GXYLT2: variants seen among roughly 807,000 people sequenced by gnomAD.
The protein encoded by GXYLT2 is glucoside xylosyltransferase 2.
Under a neutral mutation model 45.8 loss-of-function variants are expected in GXYLT2, and 53 were observed. That is an observed-to-expected ratio of 1.16 (90% CI 0.93 to 1.46). The LOEUF (loss-of-function observed/expected upper bound fraction) is 1.46, where lower values mean the gene tolerates loss of function less well. GXYLT2 is among the 40% of genes most tolerant of loss of function. The probability of loss-of-function intolerance (pLI) is 0.00; values close to 1 mark genes in which losing one functional copy is unlikely to be tolerated. For missense variants in GXYLT2, 551 were observed against 544.4 expected, an observed-to-expected ratio of 1.01 and a Z score of -0.12; for synonymous variants, 219 against 214.2, an observed-to-expected ratio of 1.02 and a Z score of -0.19.
At chr3:72,929,010 G>T in intron 3 of GXYLT2, 2 of 1,305,618 alleles carry the variant, frequency 1.5e-6, no homozygotes, top group Non-Finnish European at 2.2e-6. Flanking sequence ...CCAGCGCCGC[G>T]CAGCCACCGC....
At position 72,946,276 on chromosome 3, in the gene GXYLT2, G is replaced by GA. The variant is rs57450041; in HGVS notation, c.601-8794dup. Among the ~76,000 whole-genome samples the GA allele has an allele frequency of 6.3e-3, 375 of 59,464 alleles. 17 individuals are homozygous for GA. Among genetic ancestry groups the GA allele is most frequent in the African/African-American group, 0.015 (289 of 19,832 alleles). The allele number at this position is 59,464 out of a possible 152,430, so 39.0% of individuals were successfully genotyped here. A position where few individuals can be genotyped will look rare whatever the true frequency, so the allele number is the denominator to read the frequency against. On this transcript the variant is annotated intron_variant, in intron 3 of 6. Coordinates refer to ENST00000389617, the MANE Select transcript of GXYLT2 (RefSeq NM_001080393.2). ...TGGGTGACAGAGCAAGACCCTGTCTGAAAAAAAAAAAAAAAAAAAAAAAAA... is the reference window on the plus strand; with the variant it reads ...TGGGTGACAGAGCAAGACCCTGTCTGAAAAAAAAAAAAAAAAAAAAAAAAAA...
In GXYLT2 at chr3:72,908,409, C is replaced by T. The variant is rs547210371; in HGVS notation, c.318C>T (p.Pro106=). The T allele has an allele frequency of 6.4e-5, 103 of 1,613,702 alleles. No individual in the cohort carries two copies. Among genetic ancestry groups the T allele is most frequent in the Non-Finnish European group, 7.9e-5 (93 of 1,179,798 alleles). The change falls in exon 2 of 7, where the codon CCC becomes CCT. Residue 106 remains proline (P), a synonymous_variant. Transcript: ENST00000389617. Reference sequence around the variant, plus strand: ...GGAGTTTCCAAGCTGTGCTGCCACCCGAGCTCTGGATCCACCTGGCTGTGG... The same window carrying T: ...GGAGTTTCCAAGCTGTGCTGCCACCTGAGCTCTGGATCCACCTGGCTGTGG... ...EPRSFQAVLP[P]ELWIHLAVVA...
chr3:72,919,483 G>A (rs777645702), intron 2 of GXYLT2, among the ~76,000 whole-genome samples: 10 of 152,202 alleles, frequency 6.6e-5, no homozygotes, highest in African/African-American at 9.7e-5. Flanking sequence ...GGCTGGGCAC[G>A]GTGGCTCACG....
At chr3:72,908,822 C>G (rs984564355) in intron 2 of GXYLT2, among the ~76,000 whole-genome samples, 1 of 152,144 alleles carries the variant, frequency 6.6e-6, no homozygotes, top group Non-Finnish European at 1.5e-5. Flanking sequence ...ACTGCAGCCT[C>G]AACCTTCCAG....
intron 1 of GXYLT2, among the ~76,000 whole-genome samples, chr3:72,897,850 T>C (rs1709322128): frequency 1.3e-5 from 2 of 152,228 alleles, no homozygotes; most frequent in Admixed American, 1.3e-4. Flanking sequence ...TCTCACAATT[T>C]GAACCATTTG....
At chr3:72,955,390 GT>G (rs756964769) in intron 4 of GXYLT2, 41 bp downstream of exon 4, 3 of 1,600,270 alleles carry the variant, frequency 1.9e-6, no homozygotes, top group Non-Finnish European at 2.6e-6. Context: ...AAGACTGGGA[GT>G]TGGTCTTGTC....
intron 1 of GXYLT2, among the ~76,000 whole-genome samples, chr3:72,890,597 C>T (rs950769336): frequency 2.6e-5 from 4 of 152,154 alleles, no homozygotes; most frequent in Non-Finnish European, 5.9e-5. Context: ...GCCTGCAATT[C>T]GTAATTTTAC....
Position 72,972,611 on chromosome 3 carries a change from A to G in GXYLT2, c.1150-2366A>G, listed in dbSNP as rs1476369715. Among the ~76,000 whole-genome samples, 7 of 140,494 alleles carry G rather than the reference A, an allele frequency of 5.0e-5. No homozygotes were observed. In the South Asian group the frequency reaches 1.2e-3, roughly 23 times the overall value. 92.2% of individuals were successfully genotyped at this position (140,494 alleles called of 152,430 possible). ...AGCCAAGATCGCACCACTGCAGTCCAGCCTGGGTGACAGAGCAAGACTCTG... is the reference window on the plus strand; with the variant it reads ...AGCCAAGATCGCACCACTGCAGTCCGGCCTGGGTGACAGAGCAAGACTCTG... On this transcript the variant is annotated intron_variant, in intron 6 of 6. Transcript: ENST00000389617.
At chr3:72,965,029 T>C (rs1389309747) in intron 5 of GXYLT2, among the ~76,000 whole-genome samples, 1 of 152,050 alleles carries the variant, frequency 6.6e-6, no homozygotes, top group Admixed American at 6.6e-5. Context: ...AATAGAGGAG[T>C]TGTGATTCAA....
At chr3:72,894,916 AGC>A (rs1041781774) in intron 1 of GXYLT2, among the ~76,000 whole-genome samples, 1 of 152,176 alleles carries the variant, frequency 6.6e-6, no homozygotes, top group African/African-American at 2.4e-5. Context: ...CCTCCTGCCC[AGC>A]CCATTGCCAC....
At chr3:72,944,078 T>C (rs1710353916) in intron 3 of GXYLT2, among the ~76,000 whole-genome samples, 1 of 149,122 alleles carries the variant, frequency 6.7e-6, no homozygotes. Context: ...ATTTTCATTA[T>C]ATTCAAGTCT....
intron 3 of GXYLT2, among the ~76,000 whole-genome samples, chr3:72,922,600 T>G (rs1709851321): frequency 6.6e-6 from 1 of 152,208 alleles, no homozygotes; most frequent in African/African-American, 2.4e-5. Flanking sequence ...TACTGGCTCC[T>G]GTGAACCTCG....
intron 3 of GXYLT2, among the ~76,000 whole-genome samples, chr3:72,932,950 A>G (rs1009244421): frequency 1.3e-5 from 2 of 152,244 alleles, no homozygotes; most frequent in Admixed American, 1.3e-4. Flanking sequence ...TGTAACCAGA[A>G]GAAATAATTT....
chr3:72,958,928 AGGT>A (rs1710706942), intron 5 of GXYLT2, among the ~76,000 whole-genome samples: 1 of 146,668 alleles, frequency 6.8e-6, no homozygotes, highest in Non-Finnish European at 1.5e-5. Context: ...CACGGTGCCC[AGGT>A]ATTTTTTTTT....
intron 2 of GXYLT2, among the ~76,000 whole-genome samples, chr3:72,918,512 G>T (rs903272811): frequency 6.6e-6 from 1 of 151,964 alleles, no homozygotes; most frequent in Non-Finnish European, 1.5e-5. Context: ...TTGTAGCAAC[G>T]GGAAGGCATT....
At chr3:72,931,156 A>G (rs968790956) in intron 3 of GXYLT2, among the ~76,000 whole-genome samples, 2 of 152,362 alleles carry the variant, frequency 1.3e-5, no homozygotes, top group East Asian at 1.9e-4. Flanking sequence ...TTAGAAGTCA[A>G]TAACAGAAAG....
chr3:72,970,571 C>T (rs1710968981), intron 6 of GXYLT2, among the ~76,000 whole-genome samples: 1 of 151,998 alleles, frequency 6.6e-6, no homozygotes, highest in Non-Finnish European at 1.5e-5. Context: ...CTGAAATTCG[C>T]AGAGTTGGCT....
At chr3:72,920,191 G>A (rs935150985) in intron 2 of GXYLT2, among the ~76,000 whole-genome samples, 1 of 151,948 alleles carries the variant, frequency 6.6e-6, no homozygotes, top group Non-Finnish European at 1.5e-5. Flanking sequence ...CTGGAGTGCA[G>A]TGGTCCAATC....
At chr3:72,943,908 T>G (rs759542495) in intron 3 of GXYLT2, among the ~76,000 whole-genome samples, 12 of 151,628 alleles carry the variant, frequency 7.9e-5, no homozygotes, top group Non-Finnish European at 1.5e-5. Context: ...AGTCTCAAAC[T>G]CCTGGGCTCA....
Sources: gnomAD v4.1 joint callset for allele counts (sites outside exome capture counted in the v4.1 genomes callset) on GRCh38, gnomAD v4.1.1 for gene constraint, MANE v1.5 for transcripts, NCBI Gene and HGNC (gene_info 2026-07-23, HGNC 2026-07-21) for gene names.